The following CCDC125 variants were observed in gnomAD, a reference collection of about 807,000 sequenced individuals.
The protein encoded by CCDC125 is coiled-coil domain containing 125.
Under a neutral mutation model 57.4 loss-of-function variants are expected in CCDC125, and 43 were observed. The observed-to-expected ratio is 0.75, with a 90% CI of 0.59 to 0.97. The LOEUF is 0.97. CCDC125 is among the 50% of genes least tolerant of loss of function. The pLI is 0.00. For synonymous variants in CCDC125, 187 were observed against 195.2 expected (o/e 0.96, Z 0.35); for missense variants, 563 against 595.7 (o/e 0.95, Z 0.57).
rs754237145 is a variant in CCDC125, at chr5:69,300,002, G to GCTTA, written c.816+6_816+9dup. On this transcript the variant is annotated intron_variant, in intron 8 of 11. Transcript: ENST00000396496. ...TCCCTTCTGTTCAGCTTTCCTGCAT[G>GCTTA]CTTACCTACCTCAAGACCTGAAGCC... The GCTTA allele has an allele frequency of 6.3e-7, 1 of 1,595,010 alleles. No homozygotes were observed. Among genetic ancestry groups the GCTTA allele is most frequent in the South Asian group, 1.1e-5 (1 of 90,702 alleles).
chr5:69,322,745 C>T (rs373373754), intron 1 of CCDC125, among the ~76,000 whole-genome samples: 17 of 151,396 alleles, frequency 1.1e-4, no homozygotes, highest in South Asian at 4.2e-4. Flanking sequence ...GTATTTTTAG[C>T]AGAGACGGGG....
At chr5:69,312,486 G>A (rs896525846) in intron 3 of CCDC125, among the ~76,000 whole-genome samples, 5 of 152,142 alleles carry the variant, frequency 3.3e-5, no homozygotes, top group African/African-American at 9.7e-5. Flanking sequence ...GACACCCCTC[G>A]CAGAAACTGC....
At chr5:69,312,487 C>A (rs772090144) in intron 3 of CCDC125, among the ~76,000 whole-genome samples, 1 of 152,216 alleles carries the variant, frequency 6.6e-6, no homozygotes, top group Non-Finnish European at 1.5e-5. Flanking sequence ...ACACCCCTCG[C>A]AGAAACTGCT....
At chr5:69,305,033 C>CT (rs1256477047) in intron 6 of CCDC125, among the ~76,000 whole-genome samples, 1 of 146,540 alleles carries the variant, frequency 6.8e-6, no homozygotes, top group Non-Finnish European at 1.5e-5. Flanking sequence ...TACAACTGCT[C>CT]TAAAAAAAAA....
At chr5:69,287,666 C>T (rs1374941932) in intron 10 of CCDC125, among the ~76,000 whole-genome samples, 2 of 151,694 alleles carry the variant, frequency 1.3e-5, no homozygotes, top group South Asian at 2.1e-4. Context: ...GCCTCCCAGG[C>T]TCAAGCGATC....
At chr5:69,304,826 T>G (rs531675047) in intron 6 of CCDC125, among the ~76,000 whole-genome samples, 2 of 152,314 alleles carry the variant, frequency 1.3e-5, no homozygotes, top group East Asian at 3.9e-4. Context: ...AATAACCATT[T>G]GAATTTCAAC....
chr5:69,320,045 C>T (rs1021745996), intron 2 of CCDC125, among the ~76,000 whole-genome samples, 192 bp downstream of exon 2: 3 of 151,934 alleles, frequency 2.0e-5, no homozygotes, highest in Non-Finnish European at 4.4e-5. Flanking sequence ...CGCTTGAACC[C>T]GGGGGGTGGA....
intron 10 of CCDC125, among the ~76,000 whole-genome samples, chr5:69,286,188 CTATATATATATATA>C (rs59035946): frequency 0.2 from 10,383 of 51,340 alleles, 862 homozygotes; most frequent in East Asian, 0.38. Context: ...AAATGGTAAA[CTATATATATATATA>C]TATATATATA....
intron 7 of CCDC125, among the ~76,000 whole-genome samples, chr5:69,303,495 G>T (rs1206685258): frequency 6.7e-6 from 1 of 150,372 alleles, no homozygotes; most frequent in Non-Finnish European, 1.5e-5. Flanking sequence ...CTCCTGAGTA[G>T]CTGGGACTAC....
intron 9 of CCDC125, 42 bp downstream of exon 9, chr5:69,294,751 A>T (rs764141387): frequency 2.1e-6 from 3 of 1,407,296 alleles, no homozygotes; most frequent in Non-Finnish European, 2.0e-6. Flanking sequence ...CTATTAACAG[A>T]GAAACAAAAC....
At chr5:69,279,492 G>A (rs1002720895), downstream of CCDC125, among the ~76,000 whole-genome samples, 7 of 152,096 alleles carry the variant, frequency 4.6e-5, no homozygotes, top group Admixed American at 4.6e-4. Context: ...CACCGTGCCC[G>A]GCCGCTCATG....
intron 1 of CCDC125, among the ~76,000 whole-genome samples, chr5:69,322,774 G>T (rs1037330255): frequency 2.6e-5 from 4 of 151,464 alleles, no homozygotes; most frequent in Non-Finnish European, 5.9e-5. Flanking sequence ...TGTTGGTCAG[G>T]CTGGTCTCAA....
intron 1 of CCDC125, among the ~76,000 whole-genome samples, chr5:69,330,592 TA>T (rs11296299): frequency 2.4e-4 from 36 of 147,994 alleles, no homozygotes; most frequent in African/African-American, 3.2e-4. Context: ...AGACTCCATC[TA>T]AAAAAAAAAA....
intron 11 of CCDC125, among the ~76,000 whole-genome samples, chr5:69,283,393 G>A (rs1752749429): frequency 6.6e-6 from 1 of 151,398 alleles, no homozygotes; most frequent in Non-Finnish European, 1.5e-5. Context: ...CTAATTTTTT[G>A]CATTTTTTAG....
At chr5:69,307,069 C>T (rs1301334845) in intron 5 of CCDC125, among the ~76,000 whole-genome samples, 167 bp from the exon 6 acceptor site, 1 of 152,174 alleles carries the variant, frequency 6.6e-6, no homozygotes, top group African/African-American at 2.4e-5. Flanking sequence ...ACACATATAA[C>T]ATGCCTCTTT....
At chr5:69,331,328 GTTCAAGCGA>G (rs1263571969) in intron 1 of CCDC125, among the ~76,000 whole-genome samples, 1 of 151,750 alleles carries the variant, frequency 6.6e-6, no homozygotes, top group Non-Finnish European at 1.5e-5. Flanking sequence ...GACCTCCTGG[GTTCAAGCGA>G]TTCTCCTGCC....
chr5:69,319,903 T>G (rs1206001149), intron 2 of CCDC125, among the ~76,000 whole-genome samples: 1 of 152,082 alleles, frequency 6.6e-6, no homozygotes, highest in African/African-American at 2.4e-5. Context: ...GGCAAATCAT[T>G]TGAGGTCAGG....
At position 69,314,058 on chromosome 5, in the gene CCDC125, G is replaced by T. The variant is rs11749723; in HGVS notation, c.305-12C>A. On this transcript the variant is annotated splice_polypyrimidine_tract_variant and intron_variant, in intron 2 of 11. Coordinates refer to ENST00000396496, the MANE Select transcript of CCDC125 (RefSeq NM_176816.5). ...TGAATTCGAATCTACTTGGGAGGGA[G>T]GAGAAAAGAATCTATTAGGGGAAAA... The T allele has an allele frequency of 0.45, 701,722 of 1,574,492 alleles. 158,201 individuals carry two copies. Among genetic ancestry groups the T allele is most frequent in the South Asian group, 0.5 (44,792 of 90,138 alleles).
At chr5:69,273,619 CT>C in the CCDC125 span, among the ~76,000 whole-genome samples, 3 of 152,196 alleles carry the variant, frequency 2.0e-5, no homozygotes, top group Middle Eastern at 3.4e-3. Flanking sequence ...AAATAACAAA[CT>C]CATGAAAAAT....
Sources: gnomAD v4.1 joint callset for allele counts (sites outside exome capture counted in the v4.1 genomes callset) on GRCh38, gnomAD v4.1.1 for gene constraint, MANE v1.5 for transcripts, NCBI Gene and HGNC (gene_info 2026-07-23, HGNC 2026-07-21) for gene names.